Variants in SLIT3 observed in about 807,000 individuals in gnomAD.
SLIT3 encodes slit homolog 3 protein.
Under a neutral mutation model 184.0 loss-of-function variants are expected in SLIT3, and 68 were observed. The observed-to-expected ratio is 0.37, with a 90% CI of 0.30 to 0.45. The LOEUF (loss-of-function observed/expected upper bound fraction) is 0.45, where lower values mean the gene tolerates loss of function less well. Ranked by LOEUF, SLIT3 falls within the 20% of genes least tolerant of loss-of-function variation. The pLI is 1.00. For missense variants in SLIT3, 1,707 were observed against 2,026.0 expected, an observed-to-expected ratio of 0.84 and a Z score of 3.02; for synonymous variants, 831 against 828.6, an observed-to-expected ratio of 1.00 and a Z score of -0.05.
chr5:168,941,814 T>C (rs1762342199), intron 4 of SLIT3, among the ~76,000 whole-genome samples: 1 of 152,210 alleles, frequency 6.6e-6, no homozygotes, highest in African/African-American at 2.4e-5. Context: ...TGTATAATCA[T>C]GATAATAAAA....
At chr5:168,924,334 G>T (rs1404214618) in intron 4 of SLIT3, among the ~76,000 whole-genome samples, 1 of 152,124 alleles carries the variant, frequency 6.6e-6, no homozygotes, top group Admixed American at 6.6e-5. Context: ...CCCATGTCCT[G>T]CTTCTCTCCT....
intron 1 of SLIT3, among the ~76,000 whole-genome samples, chr5:169,282,560 T>A (rs1016963350): frequency 6.6e-6 from 1 of 152,240 alleles, no homozygotes; most frequent in African/African-American, 2.4e-5. Context: ...GATGTGAAAG[T>A]AATCACATTT....
chr5:168,994,623 C>CTTTTTTTTTTTTTTTTTT lies in SLIT3; in HGVS notation c.414-111305_414-111288dup, dbSNP rs66498923. On this transcript the variant is annotated intron_variant, in intron 4 of 35. Transcript: ENST00000519560. ...ACATGTACCAGTGTCTGGCATTCTACTTTTTTTTTTTTTTTTTTTTTTTTT... is the reference window on the plus strand; with the variant it reads ...ACATGTACCAGTGTCTGGCATTCTACTTTTTTTTTTTTTTTTTTTTTTTTTTTTTTTTTTTTTTTTTTT... Among the ~76,000 whole-genome samples, 10 of 47,100 alleles carry CTTTTTTTTTTTTTTTTTT rather than the reference C, an allele frequency of 2.1e-4. 2 individuals are homozygous for CTTTTTTTTTTTTTTTTTT. The highest frequency in any genetic ancestry group is 9.1e-4 in the Admixed American group (3 of 3,296). 30.9% of individuals were successfully genotyped at this position (47,100 alleles called of 152,430 possible).
intron 5 of SLIT3, among the ~76,000 whole-genome samples, chr5:168,869,460 G>A (rs1759431858): frequency 6.6e-6 from 1 of 152,222 alleles, no homozygotes; most frequent in African/African-American, 2.4e-5. Flanking sequence ...TAAGAACTGT[G>A]TCTGATATGC....
intron 4 of SLIT3, among the ~76,000 whole-genome samples, chr5:168,903,632 T>C (rs1760942846): frequency 6.6e-6 from 1 of 152,128 alleles, no homozygotes; most frequent in African/African-American, 2.4e-5. Flanking sequence ...GAATGGTCCT[T>C]CTGCTGTGCA....
At chr5:169,132,423 T>A (rs1761336572) in intron 4 of SLIT3, among the ~76,000 whole-genome samples, 1 of 152,182 alleles carries the variant, frequency 6.6e-6, no homozygotes, top group Admixed American at 6.5e-5. Context: ...TGATACATAT[T>A]AAAATGAACA....
At chr5:169,074,644 C>A (rs1758672106) in intron 4 of SLIT3, among the ~76,000 whole-genome samples, 1 of 152,154 alleles carries the variant, frequency 6.6e-6, no homozygotes, top group Non-Finnish European at 1.5e-5. Context: ...TCCTAAGATG[C>A]AGACTTAAGT....
At chr5:169,069,354 G>T (rs994554745) in intron 4 of SLIT3, among the ~76,000 whole-genome samples, 13 of 152,216 alleles carry the variant, frequency 8.5e-5, no homozygotes, top group African/African-American at 3.1e-4. Flanking sequence ...AAGAGGAACT[G>T]CCTTGGAGGG....
intron 18 of SLIT3, chr5:168,752,425 T>C (rs1345445717): frequency 1.4e-5 from 2 of 145,398 alleles, no homozygotes; most frequent in Admixed American, 7.0e-5. Flanking sequence ...CACGGAATCT[T>C]GCTCTGTCGC....
At chr5:169,210,004 A>G (rs954907286) in intron 3 of SLIT3, among the ~76,000 whole-genome samples, 1 of 152,240 alleles carries the variant, frequency 6.6e-6, no homozygotes, top group Non-Finnish European at 1.5e-5. Context: ...ATACTCTGAG[A>G]TACAAAATTC....
At chr5:169,142,430 TCTTC>T (rs1761779229) in intron 4 of SLIT3, among the ~76,000 whole-genome samples, 1 of 152,158 alleles carries the variant, frequency 6.6e-6, no homozygotes, top group Non-Finnish European at 1.5e-5. Flanking sequence ...GCTTCTCTCG[TCTTC>T]CTTCAGGCCC....
intron 1 of SLIT3, among the ~76,000 whole-genome samples, chr5:169,275,568 TC>T (rs1414550424): frequency 6.6e-6 from 1 of 152,260 alleles, no homozygotes; most frequent in Non-Finnish European, 1.5e-5. Context: ...TAATTGGACT[TC>T]CACACGGTAG....
intron 4 of SLIT3, among the ~76,000 whole-genome samples, chr5:169,142,574 T>C (rs533469913): frequency 2.0e-5 from 3 of 152,276 alleles, no homozygotes; most frequent in East Asian, 3.9e-4. Context: ...AGGTTCCAAG[T>C]CAAACTATGG....
At chr5:169,279,728 C>A (rs1766932805) in intron 1 of SLIT3, among the ~76,000 whole-genome samples, 1 of 152,148 alleles carries the variant, frequency 6.6e-6, no homozygotes, top group African/African-American at 2.4e-5. Context: ...TAGTGGTTGA[C>A]AAGGTGAATT....
intron 3 of SLIT3, among the ~76,000 whole-genome samples, chr5:169,229,642 T>TTCTCTCTCTCTCTCTCTCTC (rs60056409): frequency 6.1e-5 from 9 of 148,224 alleles, no homozygotes; most frequent in African/African-American, 1.5e-4. Context: ...AAATAAATTC[T>TTCTCTCTCTCTCTCTCTCTC]TCTCTCTCTC....
chr5:169,221,857 T>C (rs1223507306), intron 3 of SLIT3, among the ~76,000 whole-genome samples: 1 of 152,224 alleles, frequency 6.6e-6, no homozygotes, highest in African/African-American at 2.4e-5. Context: ...ACAGTCAAGG[T>C]TGCAGAGATT....
At chr5:169,265,881 T>G (rs1239199908) in intron 1 of SLIT3, among the ~76,000 whole-genome samples, 3 of 152,154 alleles carry the variant, frequency 2.0e-5, no homozygotes, top group Non-Finnish European at 1.5e-5. Context: ...CCTGGTCAAA[T>G]CCACAGCTCC....
At chr5:168,905,472 T>C (rs561076260) in intron 4 of SLIT3, among the ~76,000 whole-genome samples, 1 of 152,236 alleles carries the variant, frequency 6.6e-6, no homozygotes, top group South Asian at 2.1e-4. Context: ...AGTACGATCA[T>C]GTATCTGCAA....
intron 4 of SLIT3, among the ~76,000 whole-genome samples, chr5:169,159,259 C>T (rs940157150): frequency 6.6e-6 from 1 of 151,418 alleles, no homozygotes; most frequent in African/African-American, 2.4e-5. Flanking sequence ...AACCCTGTCT[C>T]TACTAATAAT....
Sources: allele counts gnomAD v4.1 joint callset (sites outside exome capture counted in the v4.1 genomes callset), GRCh38; gene constraint gnomAD v4.1.1; transcripts MANE v1.5; gene names NCBI Gene and HGNC (gene_info 2026-07-23, HGNC 2026-07-21).